The following IQUB variants were observed in gnomAD, a reference collection of about 807,000 sequenced individuals.
IQUB encodes the protein IQ motif and ubiquitin domain containing.
IQUB carries 86 observed loss-of-function variants against 86.4 expected under a neutral mutation model. The ratio of observed to expected loss-of-function variants is 1.00; its 90% CI spans 0.84 to 1.19. IQUB has a LOEUF of 1.19. Among genes scored for constraint, IQUB ranks in the 50% most tolerant of loss-of-function variants. The pLI, the probability that IQUB is intolerant of heterozygous loss-of-function variation, is 0.00. For synonymous variants in IQUB, 289 were observed against 304.5 expected, an observed-to-expected ratio of 0.95 and a Z score of 0.53; for missense variants, 946 against 916.9, an observed-to-expected ratio of 1.03 and a Z score of -0.41.
intron 1 of IQUB, among the ~76,000 whole-genome samples, chr7:123,519,044 C>T (rs752223729): frequency 2.2e-4 from 33 of 152,030 alleles, no homozygotes; most frequent in Admixed American, 4.6e-4. Flanking sequence ...AAATAGCCAA[C>T]AGGTATATGA....
intron 1 of IQUB, among the ~76,000 whole-genome samples, chr7:123,529,058 T>C (rs1797397176): frequency 6.6e-6 from 1 of 152,216 alleles, no homozygotes; most frequent in African/African-American, 2.4e-5. Flanking sequence ...TTTTCATTAT[T>C]GTTATCATTC....
chr7:123,487,080 G>C (rs888281088), intron 7 of IQUB, among the ~76,000 whole-genome samples: 1 of 152,088 alleles, frequency 6.6e-6, no homozygotes, highest in African/African-American at 2.4e-5. Flanking sequence ...TCAAGACAGT[G>C]AGTGAGTTCT....
At chr7:123,459,381 AAAG>A (rs1793877258) in intron 11 of IQUB, among the ~76,000 whole-genome samples, 1 of 152,040 alleles carries the variant, frequency 6.6e-6, no homozygotes, top group Non-Finnish European at 1.5e-5. Context: ...TAGACTGAGT[AAAG>A]CAGAGTGTCT....
At chr7:123,514,775 A>G (rs145805744) in intron 1 of IQUB, among the ~76,000 whole-genome samples, 222 of 152,180 alleles carry the variant, frequency 1.5e-3, no homozygotes, top group Middle Eastern at 6.8e-3. Flanking sequence ...CAAGTCTCCA[A>G]TGTCTATTAT....
rs1793466330 is a variant in IQUB at position 123,452,457 on chromosome 7, GAAAAAATTT to G, written c.*277_*285del. 4.9e-6 allele frequency: 1 copy of G among 204,122 alleles called. No homozygotes were observed. The highest frequency in any genetic ancestry group is 1.1e-4 in the East Asian group (1 of 9,344). 12.6% of individuals were successfully genotyped at this position (204,122 alleles called of 1,614,324 possible). On this transcript the variant is annotated 3_prime_UTR_variant, in exon 13 of 13. Coordinates refer to ENST00000324698, the MANE Select transcript of IQUB (RefSeq NM_178827.5). Reference sequence around the variant, plus strand: ...GTTAGATTTTAACTCTAATATACTTGAAAAAATTTAAAAAATTTAATGTGAAAACACATT... The same window carrying G: ...GTTAGATTTTAACTCTAATATACTTGAAAAAATTTAATGTGAAAACACATT...
intron 1 of IQUB, among the ~76,000 whole-genome samples, chr7:123,533,634 C>T (rs1797641131): frequency 6.6e-6 from 1 of 152,138 alleles, no homozygotes; most frequent in Non-Finnish European, 1.5e-5. Context: ...ATAAATGAGA[C>T]AGATCTGTAA....
At chr7:123,456,080 T>C (rs555768588) in intron 12 of IQUB, among the ~76,000 whole-genome samples, 104 of 152,244 alleles carry the variant, frequency 6.8e-4, no homozygotes, top group Non-Finnish European at 1.1e-3. Context: ...AGTTAAAAGA[T>C]TGTATCAGCC....
At chr7:123,517,785 C>T (rs1254419815) in intron 1 of IQUB, among the ~76,000 whole-genome samples, 1 of 152,108 alleles carries the variant, frequency 6.6e-6, no homozygotes, top group Non-Finnish European at 1.5e-5. Flanking sequence ...CATTTCACAA[C>T]AGCAATTACA....
At chr7:123,515,051 C>A (rs2117281005) in intron 1 of IQUB, among the ~76,000 whole-genome samples, 1 of 152,034 alleles carries the variant, frequency 6.6e-6, no homozygotes, top group East Asian at 1.9e-4. Flanking sequence ...GAACAAAGCT[C>A]AATTTTAAAA....
At chr7:123,533,853 T>C (rs1013072689) in intron 1 of IQUB, among the ~76,000 whole-genome samples, 1 of 152,228 alleles carries the variant, frequency 6.6e-6, no homozygotes, top group Admixed American at 6.5e-5. Context: ...GTATTATCTA[T>C]TCAAATGAAA....
At position 123,488,273 on chromosome 7, in the gene IQUB, G is replaced by A. The variant is rs144283800; in HGVS notation, c.1235-8303C>T. 5.4e-4 allele frequency among the ~76,000 whole-genome samples: 82 copies of A among 151,332 alleles called. 1 individual carries two copies. Among genetic ancestry groups the A allele is most frequent in the African/African-American group, 1.8e-3 (74 of 41,264 alleles). ...GGAGAATGGTGTGAACCCAGGAGGC[G>A]GAGCTTCCAGTGAGCCAAGATCACA... On this transcript the variant is annotated intron_variant, in intron 7 of 12. Transcript: ENST00000324698.
At chr7:123,491,310 A>T (rs1795449722) in intron 7 of IQUB, among the ~76,000 whole-genome samples, 1 of 152,188 alleles carries the variant, frequency 6.6e-6, no homozygotes, top group African/African-American at 2.4e-5. Context: ...CCACAGGACT[A>T]GAAGAGGAGT....
intron 1 of IQUB, among the ~76,000 whole-genome samples, chr7:123,531,769 A>G (rs1468673754): frequency 6.6e-6 from 1 of 152,214 alleles, no homozygotes; most frequent in Non-Finnish European, 1.5e-5. Context: ...TACAGATTCA[A>G]CGGCAAGATT....
chr7:123,527,435 T>A (rs1378948645), intron 1 of IQUB, among the ~76,000 whole-genome samples: 1 of 152,162 alleles, frequency 6.6e-6, no homozygotes, highest in African/African-American at 2.4e-5. Flanking sequence ...TTTTTCCCCA[T>A]CTTTGTGGTT....
At chr7:123,471,540 G>T (rs1382940951) in intron 8 of IQUB, among the ~76,000 whole-genome samples, 1 of 152,130 alleles carries the variant, frequency 6.6e-6, no homozygotes, top group Non-Finnish European at 1.5e-5. Flanking sequence ...TATTTCATTT[G>T]TAATAATTCA....
chr7:123,494,187 TA>T (rs1351822838), intron 7 of IQUB, among the ~76,000 whole-genome samples: 1 of 152,114 alleles, frequency 6.6e-6, no homozygotes, highest in Non-Finnish European at 1.5e-5. Flanking sequence ...CATACTGCTA[TA>T]AAAAGACATG....
In IQUB at chr7:123,452,873, T is replaced by C. The variant is rs1321309233; in HGVS notation, c.2246A>G (p.Lys749Arg). The C allele has an allele frequency of 6.2e-7, 1 of 1,613,498 alleles. No individual in the cohort carries two copies. The highest frequency in any genetic ancestry group is 8.5e-7 in the Non-Finnish European group (1 of 1,179,670). The change falls in exon 13 of 13, where the codon AAG becomes AGG. Residue 749 changes from lysine (K) to arginine (R), a missense_variant. By Grantham distance (26) the Lys-to-Arg change is conservative. Transcript: ENST00000324698. ...CACTGGAACCTGAGAAAAATAGTTC[T>C]TAGCCAGGATATGTTTGTGTTTGAT... Reference protein sequence around the residue: ...HKIKHKHILAKNYFSQVPVLA... With the variant: ...HKIKHKHILARNYFSQVPVLA...
At chr7:123,468,619 G>A (rs891175677) in intron 9 of IQUB, among the ~76,000 whole-genome samples, 5 of 152,136 alleles carry the variant, frequency 3.3e-5, no homozygotes, top group Admixed American at 6.5e-5. Flanking sequence ...AGAATTCCCC[G>A]TGACACTGGC....
Position 123,452,583 on chromosome 7 carries a change from A to C in IQUB, c.*160T>G, listed in dbSNP as rs1040277428. The C allele has an allele frequency of 7.2e-6, 3 of 418,966 alleles. No homozygotes were observed. The highest frequency in any genetic ancestry group is 2.0e-5 in the African/African-American group (1 of 49,068). The allele number at this position is 418,966 out of a possible 1,614,324, so 26.0% of individuals were successfully genotyped here. On this transcript the variant is annotated 3_prime_UTR_variant, in exon 13 of 13. Coordinates refer to ENST00000324698, the MANE Select transcript of IQUB (RefSeq NM_178827.5). ...ACTTCCTAACAAAGAATACTTACTTATATAGAAATGTTTTCTCTTTATATA... is the reference window on the plus strand; with the variant it reads ...ACTTCCTAACAAAGAATACTTACTTCTATAGAAATGTTTTCTCTTTATATA...
Sources: gnomAD v4.1 joint callset for allele counts (sites outside exome capture counted in the v4.1 genomes callset) on GRCh38, gnomAD v4.1.1 for gene constraint, MANE v1.5 for transcripts, NCBI Gene and HGNC (gene_info 2026-07-23, HGNC 2026-07-21) for gene names.